The following SLC17A4 variants were observed in gnomAD, a reference collection of about 807,000 sequenced individuals.
The protein encoded by SLC17A4 is probable small intestine urate exporter.
SLC17A4 carries 33 observed loss-of-function variants against 52.5 expected under a neutral mutation model. The ratio of observed to expected loss-of-function variants is 0.63; its 90% CI spans 0.48 to 0.84. SLC17A4 has a LOEUF of 0.84. Ranked by LOEUF, SLC17A4 falls within the 40% of genes least tolerant of loss-of-function variation. The probability of loss-of-function intolerance (pLI) is 0.00; values close to 1 mark genes in which losing one functional copy is unlikely to be tolerated. For missense variants in SLC17A4, 585 were observed against 597.1 expected, an observed-to-expected ratio of 0.98 and a Z score of 0.21; for synonymous variants, 225 against 216.2, an observed-to-expected ratio of 1.04 and a Z score of -0.36.
intron 11 of SLC17A4, 141 bp downstream of exon 11, chr6:25,778,157 A>C (rs917967648): frequency 1.2e-5 from 7 of 599,496 alleles, no homozygotes; most frequent in Non-Finnish European, 2.0e-5. Flanking sequence ...CTTAAGAATT[A>C]AAGAAACTTA....
At chr6:25,764,218 A>C (rs1245417839) in intron 2 of SLC17A4, among the ~76,000 whole-genome samples, 2 of 152,188 alleles carry the variant, frequency 1.3e-5, no homozygotes, top group Admixed American at 1.3e-4. Flanking sequence ...CATTTGTGGA[A>C]TCTGAATGGA....
chr6:25,770,278 G>T lies in SLC17A4; in HGVS notation c.509G>T (p.Arg170Leu). The change falls in exon 4 of 12, where the codon CGG becomes CTG. Residue 170 changes from arginine (R) to leucine (L), a missense_variant. Coordinates refer to ENST00000377905, the MANE Select transcript of SLC17A4 (RefSeq NM_005495.3). Reference sequence around the variant, plus strand: ...GGAGTGGCCTTGCTCATTGTCCTCCGGATTGTACAAGGCATAGCCCAGGTA... The same window carrying T: ...GGAGTGGCCTTGCTCATTGTCCTCCTGATTGTACAAGGCATAGCCCAGGTA... Reference protein sequence around the residue: ...NAGVALLIVLRIVQGIAQVMV... With the variant: ...NAGVALLIVLLIVQGIAQVMV... The T allele has an allele frequency of 6.2e-7, 1 of 1,614,022 alleles. No homozygotes were observed. Among genetic ancestry groups the T allele is most frequent in the South Asian group, 1.1e-5 (1 of 91,072 alleles).
Position 25,777,883 on chromosome 6 carries a change from T to C in SLC17A4, c.1269-43T>C, listed in dbSNP as rs746338477. On this transcript the variant is annotated intron_variant, in intron 10 of 11. Coordinates refer to ENST00000377905, the MANE Select transcript of SLC17A4 (RefSeq NM_005495.3). ...TCCCGGGTATTGAGACTTTCAAACG[T>C]AGGTATACTTGGTTATAATAGAGTA... 1.3e-5 allele frequency: 19 copies of C among 1,518,924 alleles called. No individual in the cohort carries two copies. The South Asian group carries it at 2.0e-4, about 16-fold the overall frequency. 94.1% of individuals were successfully genotyped at this position (1,518,924 alleles called of 1,614,324 possible). A position where few individuals can be genotyped will look rare whatever the true frequency, so the allele number is the denominator to read the frequency against.
chr6:25,759,402 A>G (rs1038940172), intron 1 of SLC17A4, among the ~76,000 whole-genome samples: 5 of 152,154 alleles, frequency 3.3e-5, no homozygotes, highest in Non-Finnish European at 7.3e-5. Flanking sequence ...GGAGTACTGA[A>G]GTCCCCCACT....
At position 25,773,297 on chromosome 6, in the gene SLC17A4, T is replaced by C; in HGVS notation, c.729T>C (p.Cys243=). 1 of 1,613,888 alleles carries C rather than the reference T, an allele frequency of 6.2e-7. No homozygotes were observed. The highest frequency in any genetic ancestry group is 1.3e-5 in the African/African-American group (1 of 75,044). ...TAGGAGGAATTGGCTGTGCTTGTTGTCCTCTCTGGTTTCCTCTCATTTATG... is the reference window on the plus strand; with the variant it reads ...TAGGAGGAATTGGCTGTGCTTGTTGCCCTCTCTGGTTTCCTCTCATTTATG... The part of the protein sequence containing the change: ...YIFGGIGCAC[C]PLWFPLIYDD... Residue 243 remains cysteine, a synonymous_variant, in exon 7 of 12, where the codon TGT becomes TGC. Transcript: ENST00000377905.
rs9295670 is a variant in SLC17A4, at chr6:25,758,315, C to G, written c.-37+3534C>G. On this transcript the variant is annotated intron_variant, in intron 1 of 11. Coordinates refer to ENST00000377905, the MANE Select transcript of SLC17A4 (RefSeq NM_005495.3). ...AATACCTGACAGAGAATACCAGCAA[C>G]TGTCTCTAAAAACATTCTCACCTTT... 3.2e-3 allele frequency among the ~76,000 whole-genome samples: 487 copies of G among 152,340 alleles called. 2 individuals carry two copies. The highest frequency in any genetic ancestry group is 9.4e-3 in the African/African-American group (389 of 41,582).
chr6:25,775,311 A>G (rs569904364), intron 8 of SLC17A4, among the ~76,000 whole-genome samples: 1 of 142,992 alleles, frequency 7.0e-6, no homozygotes, highest in Non-Finnish European at 1.5e-5. Context: ...CAGCCTGGGC[A>G]ACAAGAGCTA....
Position 25,776,650 on chromosome 6 carries a change from G to C in SLC17A4, c.1043G>C (p.Gly348Ala). Residue 348 changes from glycine (G) to alanine (A), a missense_variant, in exon 9 of 12, where the codon GGA becomes GCA. By Grantham distance (60) the Gly-to-Ala change is moderately conservative (BLOSUM62 0). Transcript: ENST00000377905. The part of the protein sequence containing the change: ...FVVGCICIIL[G>A]GLLADFLLSR... ...GTTGGATGTATCTGCATTATCCTTG[G>C]AGGTCTACTGGCAGACTTTCTTCTC... 3 of 1,613,768 alleles carry C rather than the reference G, an allele frequency of 1.9e-6. No individual in the cohort carries two copies. Among genetic ancestry groups the C allele is most frequent in the Non-Finnish European group, 2.5e-6 (3 of 1,179,848 alleles).
rs867772698 is a variant in SLC17A4, at chr6:25,775,050, T to C, written c.987+1376T>C. ...AAACTATATTGAAACATAGAGTGGG[T>C]CAGGTGTGGTGGCTCATGCCTATAA... is the stretch of plus-strand genomic sequence containing the variant. On this transcript the variant is annotated intron_variant, in intron 8 of 11. Coordinates refer to ENST00000377905, the MANE Select transcript of SLC17A4 (RefSeq NM_005495.3). Among the ~76,000 whole-genome samples, 148 of 152,204 alleles carry C rather than the reference T, an allele frequency of 9.7e-4. 1 individual carries two copies. The highest frequency in any genetic ancestry group is 3.2e-3 in the African/African-American group (135 of 41,552).
At chr6:25,768,401 C>T (rs777788301) in intron 2 of SLC17A4, 21 of 987,910 alleles carry the variant, frequency 2.1e-5, no homozygotes, top group Non-Finnish European at 2.5e-5. Context: ...ACAGGGATAT[C>T]CCCAGAGCTC....
intron 8 of SLC17A4, among the ~76,000 whole-genome samples, chr6:25,774,051 C>A (rs908127066): frequency 6.6e-6 from 1 of 152,094 alleles, no homozygotes; most frequent in Non-Finnish European, 1.5e-5. Context: ...ATTAACCAAA[C>A]AAATTCTGCC....
chr6:25,759,534 T>C (rs1761345142), intron 1 of SLC17A4, among the ~76,000 whole-genome samples: 1 of 152,224 alleles, frequency 6.6e-6, no homozygotes, highest in South Asian at 2.1e-4. Context: ...AGTCCTTTTG[T>C]TGCTATATAA....
At chr6:25,761,722 A>G (rs940373268) in intron 1 of SLC17A4, among the ~76,000 whole-genome samples, 2 of 152,184 alleles carry the variant, frequency 1.3e-5, no homozygotes, top group African/African-American at 2.4e-5. Context: ...TGCGAGATAT[A>G]AATACTAAGA....
intron 3 of SLC17A4, 99 bp downstream of exon 3, chr6:25,769,289 G>A: frequency 3.6e-6 from 4 of 1,117,790 alleles, no homozygotes; most frequent in Non-Finnish European, 5.1e-6. Context: ...AGTATTTACT[G>A]AACATGTACT....
At chr6:25,769,531 C>T (rs1762300751) in intron 3 of SLC17A4, among the ~76,000 whole-genome samples, 1 of 149,238 alleles carries the variant, frequency 6.7e-6, no homozygotes, top group East Asian at 2.0e-4. Context: ...GCACTCCGGT[C>T]TGGGTGACAG....
chr6:25,778,058 A>G (rs780108152), intron 11 of SLC17A4, 42 bp downstream of exon 11: 9 of 1,532,526 alleles, frequency 5.9e-6, no homozygotes, highest in Non-Finnish European at 7.2e-6. Context: ...AAAGAAACCT[A>G]TAGAGGCATG....
intron 2 of SLC17A4, among the ~76,000 whole-genome samples, chr6:25,764,320 C>T (rs1280817145): frequency 5.9e-5 from 9 of 152,124 alleles, no homozygotes; most frequent in South Asian, 2.1e-4. Context: ...ATATCAGGGA[C>T]GGTATCCTTT....
intron 2 of SLC17A4, among the ~76,000 whole-genome samples, chr6:25,764,374 A>G (rs1050740337): frequency 6.6e-6 from 1 of 152,174 alleles, no homozygotes; most frequent in Non-Finnish European, 1.5e-5. Flanking sequence ...GCCCCCCACC[A>G]TGGGGAAGAA....
chr6:25,768,600 T>A (rs568785148), intron 2 of SLC17A4, among the ~76,000 whole-genome samples: 1 of 152,306 alleles, frequency 6.6e-6, no homozygotes, highest in East Asian at 1.9e-4. Context: ...AGCAGGGAAC[T>A]TGGGAGTCAT....
Sources: gnomAD v4.1 joint callset for allele counts (sites outside exome capture counted in the v4.1 genomes callset) on GRCh38, gnomAD v4.1.1 for gene constraint, MANE v1.5 for transcripts, NCBI Gene and HGNC (gene_info 2026-07-23, HGNC 2026-07-21) for gene names.